The following USP3 variants were observed in gnomAD, a reference collection of about 807,000 sequenced individuals.
USP3 encodes the protein ubiquitin carboxyl-terminal hydrolase 3.
Under a neutral mutation model 72.3 loss-of-function variants are expected in USP3, and 20 were observed. That is an observed-to-expected ratio of 0.28 (90% CI 0.19 to 0.40). USP3 has a LOEUF of 0.40. Ranked by LOEUF, USP3 falls within the 10% of genes least tolerant of loss-of-function variation. USP3 has a pLI of 1.00. For synonymous variants in USP3, 222 were observed against 225.3 expected (o/e 0.99, Z 0.13); for missense variants, 479 against 633.9 (o/e 0.76, Z 2.62).
At chr15:63,560,039 A>G in intron 7 of USP3, 69 bp downstream of exon 7, 3 of 1,392,390 alleles carry the variant, frequency 2.2e-6, no homozygotes, top group Non-Finnish European at 3.0e-6. Context: ...GGTGGTTTCC[A>G]TTGTACTAAG....
In USP3 at chr15:63,570,320, G is replaced by A; in HGVS notation, c.762-113G>A. The A allele has an allele frequency of 1.4e-6, 2 of 1,379,780 alleles. No individual in the cohort carries two copies. The highest frequency in any genetic ancestry group is 2.4e-5 in the East Asian group (1 of 41,916). 85.5% of individuals were successfully genotyped at this position (1,379,780 alleles called of 1,614,324 possible). A position where few individuals can be genotyped will look rare whatever the true frequency, so the allele number is the denominator to read the frequency against. On this transcript the variant is annotated intron_variant, in intron 8 of 14. Transcript: ENST00000380324. This position sits in a 1 kb window ranked among gnomAD's most constrained non-coding sequence, Gnocchi z 4.4. ...GGCATGAAGGTGAGGAAGCCTGGCT[G>A]TGCTTGTGAGCACGGGGCTGCCGTC... is the stretch of plus-strand genomic sequence containing the variant.
Position 63,563,017 on chromosome 15 carries a change from T to C in USP3, c.761+9T>C. The C allele has an allele frequency of 6.4e-7, 1 of 1,560,156 alleles. No individual in the cohort carries two copies. Among genetic ancestry groups the C allele is most frequent in the Non-Finnish European group, 8.8e-7 (1 of 1,142,174 alleles). ...ATTATGCCAAACTTTAGGTAAGTATTATATGAAGATATTTTTAAACATTAA... is the reference window on the plus strand; with the variant it reads ...ATTATGCCAAACTTTAGGTAAGTATCATATGAAGATATTTTTAAACATTAA... On this transcript the variant is annotated intron_variant, in intron 8 of 14. Transcript: ENST00000380324.
intron 1 of USP3, among the ~76,000 whole-genome samples, chr15:63,522,629 T>C (rs1201354219): frequency 6.6e-6 from 1 of 152,234 alleles, no homozygotes. Flanking sequence ...TAACCATATC[T>C]TAAATCTGGT....
intron 11 of USP3, among the ~76,000 whole-genome samples, chr15:63,577,807 T>C (rs1325823928): frequency 6.6e-6 from 1 of 151,930 alleles, no homozygotes; most frequent in Non-Finnish European, 1.5e-5. Context: ...TATATGCCTA[T>C]AATCCCAGCT....
At position 63,553,551 on chromosome 15, in the gene USP3, A is replaced by C; in HGVS notation, c.285-164A>C. 2.0e-6 allele frequency: 1 copy of C among 509,018 alleles called. No individual in the cohort carries two copies. Among genetic ancestry groups the C allele is most frequent in the Non-Finnish European group, 3.3e-6 (1 of 306,914 alleles). The allele number at this position is 509,018 out of a possible 1,614,324, so 31.5% of individuals were successfully genotyped here. On this transcript the variant is annotated intron_variant, in intron 3 of 14. Coordinates refer to ENST00000380324, the MANE Select transcript of USP3 (RefSeq NM_006537.4). This position sits in a 1 kb window ranked among gnomAD's most constrained non-coding sequence, Gnocchi z 4.2. ...ACGTGGCTTTTAAAAAAGACTCTTG[A>C]AAAACATTCCATTGTGAATTCCAGG...
intron 1 of USP3, among the ~76,000 whole-genome samples, chr15:63,520,285 A>T (rs2414822): frequency 0.75 from 114,378 of 152,052 alleles, 44,625 homozygotes; most frequent in Non-Finnish European, 0.81. Flanking sequence ...TCCAACAGTA[A>T]GAACTGGTTC....
At chr15:63,504,999 G>A (rs1330037175) in intron 1 of USP3, among the ~76,000 whole-genome samples, 169 bp downstream of exon 1, 1 of 150,428 alleles carries the variant, frequency 6.6e-6, no homozygotes, top group Non-Finnish European at 1.5e-5. Context: ...GTGCGGGAGC[G>A]GCGGCGGCTC....
intron 11 of USP3, among the ~76,000 whole-genome samples, chr15:63,584,937 G>A (rs994191023): frequency 2.6e-5 from 4 of 152,136 alleles, no homozygotes; most frequent in African/African-American, 9.7e-5. Flanking sequence ...TGTATATGGT[G>A]TAAGAGTCCA....
In USP3 at chr15:63,511,621, A is replaced by G. The variant is rs918475355; in HGVS notation, c.91+6791A>G. 3.9e-5 allele frequency among the ~76,000 whole-genome samples: 6 copies of G among 152,276 alleles called. No individual in the cohort carries two copies. The East Asian group carries it at 9.6e-4, about 24-fold the overall frequency. ...TCAGACATAATAAACCAGCCTCCTC[A>G]CTATAGCTATGGATAAAATGCAATT... On this transcript the variant is annotated intron_variant, in intron 1 of 14. Coordinates refer to ENST00000380324, the MANE Select transcript of USP3 (RefSeq NM_006537.4).
chr15:63,542,451 A>G (rs1472717938), intron 3 of USP3, among the ~76,000 whole-genome samples: 2 of 152,036 alleles, frequency 1.3e-5, no homozygotes, highest in Non-Finnish European at 2.9e-5. Context: ...AAATAAGCCA[A>G]TTTTACTAAA....
Position 63,529,913 on chromosome 15 carries a change from C to T in USP3, c.92-2734C>T, listed in dbSNP as rs2066042296. ...TGGGAGGCTGAGGCAGGGAGGATTG[C>T]TTGAGCTAAGGGATTCAAGACCAGT... On this transcript the variant is annotated intron_variant, in intron 1 of 14. Transcript: ENST00000380324. The surrounding 1 kb of genome is among the most constrained non-coding windows in gnomAD (Gnocchi z 4.2). Among the ~76,000 whole-genome samples, 3 of 152,106 alleles carry T rather than the reference C, an allele frequency of 2.0e-5. No individual in the cohort carries two copies. The South Asian group carries it at 6.2e-4, about 31-fold the overall frequency.
intron 3 of USP3, among the ~76,000 whole-genome samples, chr15:63,549,925 G>A (rs535192554): frequency 6.6e-6 from 1 of 152,268 alleles, no homozygotes; most frequent in Non-Finnish European, 1.5e-5. Context: ...AGCTAATAAT[G>A]TGGTCATTAA....
intron 1 of USP3, 80 bp downstream of exon 1, chr15:63,504,910 G>T: frequency 8.6e-7 from 1 of 1,162,256 alleles, no homozygotes; most frequent in South Asian, 3.6e-5. Flanking sequence ...GGCCGCAGGC[G>T]GCCGGCGCGC....
At chr15:63,507,982 C>T (rs1356634546) in intron 1 of USP3, among the ~76,000 whole-genome samples, 2 of 152,056 alleles carry the variant, frequency 1.3e-5, no homozygotes, top group Non-Finnish European at 1.5e-5. Flanking sequence ...CATTATTTTG[C>T]CTTTTTGTAA....
chr15:63,578,006 G>A (rs1345575575), intron 11 of USP3, among the ~76,000 whole-genome samples: 2 of 152,060 alleles, frequency 1.3e-5, no homozygotes, highest in Non-Finnish European at 2.9e-5. Flanking sequence ...GAAGAAAGGG[G>A]TGGGTGCAGT....
intron 11 of USP3, among the ~76,000 whole-genome samples, chr15:63,584,776 TTATC>T (rs942389023): frequency 3.9e-5 from 6 of 152,254 alleles, no homozygotes; most frequent in Non-Finnish European, 7.3e-5. Context: ...AAAGTTCAGC[TTATC>T]TATTTTTTCT....
rs1595787485 is a variant in USP3, at chr15:63,592,486, C to T, written c.*1660C>T. 2.7e-5 allele frequency: 4 copies of T among 148,142 alleles called. 1 individual carries two copies. Among genetic ancestry groups the T allele is most frequent in the African/African-American group, 9.9e-5 (4 of 40,292 alleles). The allele number at this position is 148,142 out of a possible 1,614,324, so 9.2% of individuals were successfully genotyped here. ...TTTTTTAATGGAGTCTTACTCTGTC[C>T]CTCAGGCTGGAGTGCAGTGTGGCAT... On this transcript the variant is annotated 3_prime_UTR_variant, in exon 15 of 15. Coordinates refer to ENST00000380324, the MANE Select transcript of USP3 (RefSeq NM_006537.4).
intron 11 of USP3, among the ~76,000 whole-genome samples, chr15:63,581,762 A>G (rs1178303883): frequency 6.6e-6 from 1 of 151,512 alleles, no homozygotes; most frequent in African/African-American, 2.4e-5. Flanking sequence ...TGGTGGGATC[A>G]TGGCTCACTG....
chr15:63,521,176 G>T, intron 1 of USP3, among the ~76,000 whole-genome samples: 1 of 146,354 alleles, frequency 6.8e-6, no homozygotes, highest in Non-Finnish European at 1.5e-5. Flanking sequence ...GTATATCCTG[G>T]ATGTCACTCC....
Sources: allele counts gnomAD v4.1 joint callset (sites outside exome capture counted in the v4.1 genomes callset), GRCh38; gene constraint gnomAD v4.1.1; non-coding constraint Gnocchi (gnomAD v3.1); transcripts MANE v1.5; gene names NCBI Gene and HGNC (gene_info 2026-07-23, HGNC 2026-07-21).